The following GBF1 variants were observed in gnomAD, a reference collection of about 807,000 sequenced individuals.
GBF1 encodes the protein Golgi-specific brefeldin A-resistance guanine nucleotide exchange factor 1.
GBF1 carries 114 observed loss-of-function variants against 210.5 expected under a neutral mutation model. That is an observed-to-expected ratio of 0.54 (90% confidence interval 0.47 to 0.63). GBF1 has a LOEUF of 0.63. GBF1 is among the 30% of genes least tolerant of loss of function. The probability of loss-of-function intolerance (pLI) is 0.00; values close to 1 mark genes in which losing one functional copy is unlikely to be tolerated. For synonymous variants in GBF1, 850 were observed against 889.2 expected (o/e 0.96, Z 0.78); for missense variants, 1,851 against 2,357.7 (o/e 0.79, Z 4.45).
chr10:102,281,949 C>T (rs185517937), intron 3 of GBF1, among the ~76,000 whole-genome samples: 2,772 of 143,028 alleles, frequency 0.019, 85 homozygotes, highest in African/African-American at 0.07. Context: ...TTTTTTGAGA[C>T]AGAGTCTCGC....
chr10:102,380,280 C>T lies in GBF1; in HGVS notation c.4910C>T (p.Ser1637Leu), dbSNP rs774064019. 6.2e-7 allele frequency: 1 copy of T among 1,613,818 alleles called. No homozygotes were observed. The highest frequency in any genetic ancestry group is 1.3e-5 in the African/African-American group (1 of 74,928). Residue 1637 changes from serine (S) to leucine (L), a missense_variant, in exon 37 of 40, where the codon TCA (serine) becomes TTA (leucine). Physicochemically the swap from Ser to Leu is moderately radical, Grantham distance 145. Around this residue, in one of 3 missense-constraint regions of GBF1, gnomAD observed 967 missense variants for 1,247.7 expected, o/e 0.78. Coordinates refer to ENST00000369983, the MANE Select transcript of GBF1 (RefSeq NM_001377137.1). Reference sequence around the variant, plus strand: ...CTGCAGCACCTGTCTCCACTGCTGTCACTCTCTACCTTTGCGGCCCTCTGG... The same window carrying T: ...CTGCAGCACCTGTCTCCACTGCTGTTACTCTCTACCTTTGCGGCCCTCTGG... Reference protein sequence around the residue: ...VFLQHLSPLLSLSTFAALWLT... With the variant: ...VFLQHLSPLLLLSTFAALWLT...
rs763312213 is a variant in GBF1, at chr10:102,379,575, C to A, written c.4700C>A (p.Thr1567Asn). The A allele has an allele frequency of 2.5e-6, 4 of 1,613,998 alleles. No individual in the cohort carries two copies. The South Asian group carries it at 4.4e-5, about 18-fold the overall frequency. ...CGCCAGGTACGGATGCAGGCACTGA[C>A]CTATCTGCAGCGAGCACTACTTGTA... Reference protein sequence around the residue: ...ARRQVRMQALTYLQRALLVHD... With the variant: ...ARRQVRMQALNYLQRALLVHD... Residue 1567 changes from threonine to asparagine, a missense_variant, in exon 35 of 40, where the codon ACC becomes AAC. By Grantham distance (65) the Thr-to-Asn change is moderately conservative. Around this residue, in one of 3 missense-constraint regions of GBF1, gnomAD observed 967 missense variants for 1,247.7 expected, o/e 0.78. Coordinates refer to ENST00000369983, the MANE Select transcript of GBF1 (RefSeq NM_001377137.1).
chr10:102,241,917 C>A (rs2133820031), upstream of GBF1, among the ~76,000 whole-genome samples: 1 of 152,332 alleles, frequency 6.6e-6, no homozygotes, highest in Non-Finnish European at 1.5e-5. The surrounding 1 kb of genome is among the most constrained non-coding windows in gnomAD (Gnocchi z 6.7). Flanking sequence ...CACGGGGCCG[C>A]CGGGTCTCAG....
At chr10:102,231,797 G>T in the GBF1 span, 1 of 1,596,472 alleles carries the variant, frequency 6.3e-7, no homozygotes, top group South Asian at 1.1e-5. Flanking sequence ...GAGTCTGGGG[G>T]CCAGGGTGGG....
chr10:102,318,930 A>G (rs1394270164), intron 3 of GBF1, among the ~76,000 whole-genome samples: 2 of 152,180 alleles, frequency 1.3e-5, no homozygotes, highest in Admixed American at 6.5e-5. Context: ...TTACCTTATT[A>G]AGACCTTATA....
the GBF1 span, among the ~76,000 whole-genome samples, chr10:102,237,539 T>C: frequency 1.3e-5 from 2 of 151,956 alleles, no homozygotes; most frequent in South Asian, 4.1e-4. Flanking sequence ...TGTCCAGCTT[T>C]TTCATCAAAA....
intron 22 of GBF1, 137 bp from the exon 23 acceptor site, chr10:102,368,602 C>T: frequency 1.3e-6 from 1 of 795,444 alleles, no homozygotes; most frequent in Non-Finnish European, 2.1e-6. Flanking sequence ...TGGGTAGGCT[C>T]AGTCTTAAAC....
the GBF1 span, among the ~76,000 whole-genome samples, chr10:102,233,898 C>CT: frequency 6.6e-6 from 1 of 152,324 alleles, no homozygotes; most frequent in Non-Finnish European, 1.5e-5. Flanking sequence ...GCAGGGTCCC[C>CT]TTTTCTGCCT....
chr10:102,262,353 A>G (rs896621265), intron 3 of GBF1, among the ~76,000 whole-genome samples: 1 of 151,542 alleles, frequency 6.6e-6, no homozygotes, highest in African/African-American at 2.4e-5. Flanking sequence ...TTTTTTTTTT[A>G]ATTTTACAGA....
In GBF1 at chr10:102,260,045, T is replaced by C; in HGVS notation, c.97-5T>C. On this transcript the variant is annotated splice_region_variant and splice_polypyrimidine_tract_variant and intron_variant, in intron 2 of 39. Coordinates refer to ENST00000369983, the MANE Select transcript of GBF1 (RefSeq NM_001377137.1). ...ATGACTTACTTTAATCTATGTGTTC[T>C]ACAGGATGAAGAACGGGATCCTCTG... The C allele has an allele frequency of 2.6e-6, 4 of 1,558,616 alleles. No homozygotes were observed. The highest frequency in any genetic ancestry group is 2.7e-6 in the Non-Finnish European group (3 of 1,130,282).
intron 3 of GBF1, among the ~76,000 whole-genome samples, chr10:102,324,522 G>C (rs868680115): frequency 5.9e-5 from 9 of 152,178 alleles, no homozygotes; most frequent in South Asian, 2.1e-4. Flanking sequence ...GAGTTGGATA[G>C]ACCTGGCTTC....
chr10:102,360,989 A>G, intron 12 of GBF1, 33 bp from the exon 13 acceptor site: 1 of 1,167,702 alleles, frequency 8.6e-7, no homozygotes, highest in Non-Finnish European at 1.3e-6. Context: ...AAAAAAAAAA[A>G]AAACTCATGG....
chr10:102,380,020 G>T, intron 36 of GBF1, 66 bp downstream of exon 36: 1 of 1,140,360 alleles, frequency 8.8e-7, no homozygotes, highest in Non-Finnish European at 1.3e-6. Flanking sequence ...AGGGAAGCCA[G>T]GGCTTCTGGC....
intron 3 of GBF1, among the ~76,000 whole-genome samples, chr10:102,313,436 T>C (rs1169524348): frequency 6.6e-6 from 1 of 152,214 alleles, no homozygotes; most frequent in Non-Finnish European, 1.5e-5. Flanking sequence ...TGGAGAGGGC[T>C]AGCTGGCCCT....
At chr10:102,350,934 A>T (rs1233503177) in intron 4 of GBF1, among the ~76,000 whole-genome samples, 1 of 152,040 alleles carries the variant, frequency 6.6e-6, no homozygotes, top group African/African-American at 2.4e-5. Flanking sequence ...AAGTACAAAA[A>T]AAATTAGCTG....
intron 24 of GBF1, 119 bp downstream of exon 24, chr10:102,369,506 C>G (rs1332471424): frequency 1.1e-6 from 1 of 894,950 alleles, no homozygotes. Flanking sequence ...TGCCACAGCT[C>G]ACCAGGAATG....
intron 3 of GBF1, among the ~76,000 whole-genome samples, chr10:102,277,096 A>G (rs1040578259): frequency 2.0e-5 from 3 of 152,150 alleles, no homozygotes; most frequent in African/African-American, 7.2e-5. Context: ...GAAGGCCAAG[A>G]TGAGAGGATC....
At chr10:102,249,981 C>A (rs904685486) in intron 1 of GBF1, among the ~76,000 whole-genome samples, 1 of 152,132 alleles carries the variant, frequency 6.6e-6, no homozygotes, top group Non-Finnish European at 1.5e-5. Flanking sequence ...TGAGCCAATG[C>A]GCCCAGCCTT....
At chr10:102,374,993 A>G (rs950977991) in intron 29 of GBF1, among the ~76,000 whole-genome samples, 1 of 151,872 alleles carries the variant, frequency 6.6e-6, no homozygotes, top group Non-Finnish European at 1.5e-5. Flanking sequence ...CAACATAGCG[A>G]GACCCCATCT....
Sources: gnomAD v4.1 joint callset for allele counts (sites outside exome capture counted in the v4.1 genomes callset) on GRCh38, gnomAD v4.1.1 for gene constraint, gnomAD v4.1.1 regional missense constraint, Gnocchi (gnomAD v3.1) non-coding constraint, MANE v1.5 for transcripts, NCBI Gene and HGNC (gene_info 2026-07-23, HGNC 2026-07-21) for gene names.